Variants in SOCS6 observed in about 807,000 individuals in gnomAD.
SOCS6 encodes suppressor of cytokine signaling 6.
SOCS6 carries 5 observed loss-of-function variants against 27.7 expected under a neutral mutation model. The observed-to-expected ratio is 0.18, with a 90% confidence interval of 0.09 to 0.38. SOCS6 has a LOEUF of 0.38. Ranked by LOEUF, SOCS6 falls within the 10% of genes least tolerant of loss-of-function variation. The probability of loss-of-function intolerance (pLI) is 1.00; values close to 1 mark genes in which losing one functional copy is unlikely to be tolerated. For synonymous variants in SOCS6, 271 were observed against 260.0 expected, an observed-to-expected ratio of 1.04 and a Z score of -0.41; for missense variants, 595 against 688.1, an observed-to-expected ratio of 0.86 and a Z score of 1.51.
At chr18:70,303,996 A>G (rs2062359006) in intron 1 of SOCS6, among the ~76,000 whole-genome samples, 2 of 152,302 alleles carry the variant, frequency 1.3e-5, no homozygotes, top group East Asian at 1.9e-4. Flanking sequence ...ATCTTTACCT[A>G]CCTCACACAT....
chr18:70,309,753 A>G (rs186879038), intron 1 of SOCS6, among the ~76,000 whole-genome samples: 112 of 152,230 alleles, frequency 7.4e-4, no homozygotes, highest in African/African-American at 2.3e-3. Flanking sequence ...GCATGATCTC[A>G]GCTCACTGCA....
rs1361978711 is a variant in SOCS6 at position 70,324,762 on chromosome 18, C to G, written c.94C>G (p.Leu32Val). The change falls in exon 2 of 2, where the codon CTA becomes GTA. Residue 32 changes from leucine (L) to valine (V), a missense_variant. Transcript: ENST00000397942. The stretch of plus-strand genomic sequence containing the variant: ...TTTCATGGTAGTACAACAACCATCG[C>G]TAGCCAGTGACTTTGGAAAAGATGA... The part of the protein sequence containing the change: ...TDFMVVQQPS[L>V]ASDFGKDDSL... 2 of 1,613,760 alleles carry G rather than the reference C, an allele frequency of 1.2e-6. No individual in the cohort carries two copies. The highest frequency in any genetic ancestry group is 1.7e-6 in the Non-Finnish European group (2 of 1,179,654).
chr18:70,299,165 C>G (rs372396918), intron 1 of SOCS6, among the ~76,000 whole-genome samples: 18 of 152,162 alleles, frequency 1.2e-4, no homozygotes, highest in Middle Eastern at 3.4e-3. Context: ...TCAGTTAATT[C>G]AGACCCTACC....
intron 1 of SOCS6, among the ~76,000 whole-genome samples, chr18:70,289,292 G>A (rs1379611810): frequency 6.7e-6 from 1 of 149,358 alleles, no homozygotes; most frequent in Non-Finnish European, 1.5e-5. Context: ...CGTCTCGGCG[G>A]GTGCGCGGGC....
rs1911339449 is a variant in SOCS6 at position 70,329,570 on chromosome 18, A to G, written c.*3294A>G. On this transcript the variant is annotated 3_prime_UTR_variant, in exon 2 of 2. Transcript: ENST00000397942. ...CTTTATGAATGAATCGGAATAATAC[A>G]TTTTCATTTAAATCTTAATTGCTTT... 2 of 167,216 alleles carry G rather than the reference A, an allele frequency of 1.2e-5. No homozygotes were observed. The highest frequency in any genetic ancestry group is 1.9e-4 in the East Asian group (1 of 5,196). 10.4% of individuals were successfully genotyped at this position (167,216 alleles called of 1,614,324 possible). A position where few individuals can be genotyped will look rare whatever the true frequency, so the allele number is the denominator to read the frequency against.
At chr18:70,296,884 C>T (rs144453753) in intron 1 of SOCS6, among the ~76,000 whole-genome samples, 143 of 142,842 alleles carry the variant, frequency 1.0e-3, no homozygotes, top group Middle Eastern at 3.7e-3. Context: ...AATTTCTTCC[C>T]TTTCATTTTC....
At position 70,293,545 on chromosome 18, in the gene SOCS6, A is replaced by G. The variant is rs2062309510; in HGVS notation, c.-127+4455A>G. Among the ~76,000 whole-genome samples the G allele has an allele frequency of 5.3e-5, 8 of 152,188 alleles. No homozygotes were observed. In the South Asian group the frequency reaches 1.7e-3, roughly 31 times the overall value. The stretch of plus-strand genomic sequence containing the variant: ...AGTGAAGTGAAACCTCAGTTATCTG[A>G]AATCTCCTGGTATCCTCAGTTTTCT... On this transcript the variant is annotated intron_variant, in intron 1 of 1. Coordinates refer to ENST00000397942, the MANE Select transcript of SOCS6 (RefSeq NM_004232.4).
intron 1 of SOCS6, among the ~76,000 whole-genome samples, chr18:70,322,099 G>A (rs1911014355): frequency 6.6e-6 from 1 of 152,100 alleles, no homozygotes; most frequent in Non-Finnish European, 1.5e-5. Context: ...TAAAGTTTAT[G>A]TCTAAAGCTT....
Position 70,324,692 on chromosome 18 carries a change from C to G in SOCS6, c.24C>G (p.Thr8=), listed in dbSNP as rs371221269. MKKISLK[T]LRKSFNLNKS... ...TAATGAAGAAAATTAGTCTTAAAACCTTACGGAAATCTTTTAACTTGAATA... is the reference window on the plus strand; with the variant it reads ...TAATGAAGAAAATTAGTCTTAAAACGTTACGGAAATCTTTTAACTTGAATA... The change falls in exon 2 of 2, where the codon ACC becomes ACG. Residue 8 remains threonine (T), a synonymous_variant. Transcript: ENST00000397942. The G allele has an allele frequency of 8.2e-6, 13 of 1,594,558 alleles. No individual in the cohort carries two copies. In the South Asian group the frequency reaches 1.5e-4, roughly 18 times the overall value.
chr18:70,289,206 C>T, intron 1 of SOCS6, 116 bp downstream of exon 1: 1 of 150,832 alleles, frequency 6.6e-6, no homozygotes. Context: ...GGGGCGGATC[C>T]GGCGCGGGCC....
chr18:70,310,729 TG>T (rs773531988), intron 1 of SOCS6, among the ~76,000 whole-genome samples: 3 of 152,142 alleles, frequency 2.0e-5, no homozygotes, highest in Non-Finnish European at 4.4e-5. Flanking sequence ...GTAGTTGCAA[TG>T]TGGACTCTCG....
At chr18:70,302,294 C>T (rs538290490) in intron 1 of SOCS6, among the ~76,000 whole-genome samples, 2 of 151,810 alleles carry the variant, frequency 1.3e-5, no homozygotes, top group Non-Finnish European at 2.9e-5. Flanking sequence ...GAAGTTGGGC[C>T]ATCTGCTGCG....
chr18:70,324,515 T>G, intron 1 of SOCS6, 28 bp from the exon 2 acceptor site: 1 of 568,766 alleles, frequency 1.8e-6, no homozygotes. Context: ...TTTTTTAATA[T>G]GACTCTTTTT....
Position 70,289,084 on chromosome 18 carries a change from C to A in SOCS6, c.-133C>A, listed in dbSNP as rs191898623. ...TGGGCGAGGAAGCGGAGCCGGGCCG[C>A]CTCCGGGTAAGCGTCCGGGGAGCTC... On this transcript the variant is annotated 5_prime_UTR_variant, in exon 1 of 2. Transcript: ENST00000397942. 6.7e-6 allele frequency: 1 copy of A among 149,828 alleles called. No individual in the cohort carries two copies. The highest frequency in any genetic ancestry group is 1.5e-5 in the Non-Finnish European group (1 of 67,192). 9.3% of individuals were successfully genotyped at this position (149,828 alleles called of 1,614,324 possible). A position where few individuals can be genotyped will look rare whatever the true frequency, so the allele number is the denominator to read the frequency against.
intron 1 of SOCS6, among the ~76,000 whole-genome samples, chr18:70,309,849 A>G (rs1245353656): frequency 1.3e-5 from 2 of 152,008 alleles, no homozygotes; most frequent in African/African-American, 4.8e-5. Context: ...TCACGCAGCT[A>G]ATTGTTTTGT....
chr18:70,290,422 C>CT (rs2062293499), intron 1 of SOCS6, among the ~76,000 whole-genome samples: 1 of 152,176 alleles, frequency 6.6e-6, no homozygotes, highest in Non-Finnish European at 1.5e-5. Context: ...GACAGCCTTA[C>CT]TTAAAAACAC....
Position 70,324,554 on chromosome 18 carries a change from A to G in SOCS6, c.-115A>G, listed in dbSNP as rs1911112440. On this transcript the variant is annotated 5_prime_UTR_variant, in exon 2 of 2. Coordinates refer to ENST00000397942, the MANE Select transcript of SOCS6 (RefSeq NM_004232.4). ...TTTTTATTTTTTAGAAAATGGCTCC[A>G]AAGGTTAAATGAAGCAGGAAAAATA... 1.5e-6 allele frequency: 1 copy of G among 687,688 alleles called. No individual in the cohort carries two copies. The allele number at this position is 687,688 out of a possible 1,614,324, so 42.6% of individuals were successfully genotyped here. A position where few individuals can be genotyped will look rare whatever the true frequency, so the allele number is the denominator to read the frequency against.
intron 1 of SOCS6, among the ~76,000 whole-genome samples, chr18:70,305,889 G>A (rs1266757326): frequency 6.6e-6 from 1 of 152,070 alleles, no homozygotes; most frequent in Non-Finnish European, 1.5e-5. Flanking sequence ...TAGGGTGGGT[G>A]TGTGGGGGTG....
chr18:70,305,156 C>T (rs540547763), intron 1 of SOCS6, among the ~76,000 whole-genome samples: 7 of 151,520 alleles, frequency 4.6e-5, no homozygotes, highest in African/African-American at 1.2e-4. Flanking sequence ...TGCAGTGAGC[C>T]GAGATCGCGC....
Sources: allele counts gnomAD v4.1 joint callset (sites outside exome capture counted in the v4.1 genomes callset), GRCh38; gene constraint gnomAD v4.1.1; transcripts MANE v1.5; gene names NCBI Gene and HGNC (gene_info 2026-07-23, HGNC 2026-07-21).